Variants in SVEP1 observed in about 807,000 individuals in gnomAD.
The protein encoded by SVEP1 is sushi, von Willebrand factor type A, EGF and pentraxin domain-containing protein 1.
In SVEP1, 164 loss-of-function variants were observed where a neutral mutation model predicts 367.3. The observed-to-expected ratio is 0.45, with a 90% CI of 0.39 to 0.51. The LOEUF (loss-of-function observed/expected upper bound fraction) is 0.51, where lower values mean the gene tolerates loss of function less well. Among genes scored for constraint, SVEP1 ranks in the 20% least tolerant of loss-of-function variants. SVEP1 has a pLI of 0.00. For missense variants in SVEP1, 4,117 were observed against 4,425.3 expected (o/e 0.93, Z 1.98); for synonymous variants, 1,666 against 1,611.6 (o/e 1.03, Z -0.81).
chr9:110,382,098 G>A (rs1438184333), intron 43 of SVEP1, among the ~76,000 whole-genome samples: 3 of 151,994 alleles, frequency 2.0e-5, no homozygotes, highest in African/African-American at 7.3e-5. Flanking sequence ...GCATTGTTAT[G>A]TGTGAATTTG....
At chr9:110,496,257 T>C (rs942882035) in intron 8 of SVEP1, among the ~76,000 whole-genome samples, 4 of 152,322 alleles carry the variant, frequency 2.6e-5, no homozygotes, top group South Asian at 2.1e-4. Flanking sequence ...TGTGAGGATG[T>C]TGCCAAAGAT....
intron 1 of SVEP1, among the ~76,000 whole-genome samples, chr9:110,552,337 C>T (rs997144362): frequency 1.3e-5 from 2 of 152,018 alleles, no homozygotes; most frequent in African/African-American, 4.8e-5. Flanking sequence ...GCCACATGAG[C>T]CACCACGTCT....
At chr9:110,378,053 T>G (rs1827378136) in intron 44 of SVEP1, among the ~76,000 whole-genome samples, 1 of 152,240 alleles carries the variant, frequency 6.6e-6, no homozygotes, top group Admixed American at 6.5e-5. Context: ...ATTTTCTTCT[T>G]TTGCAAAGCT....
chr9:110,369,757 C>A, intron 47 of SVEP1, 166 bp downstream of exon 47: 1 of 608,142 alleles, frequency 1.6e-6, no homozygotes, highest in Non-Finnish European at 2.8e-6. Context: ...TATTTCTTAG[C>A]TTTGGCTTTA....
intron 5 of SVEP1, among the ~76,000 whole-genome samples, chr9:110,511,787 A>G (rs1474953996): frequency 6.6e-6 from 1 of 152,090 alleles, no homozygotes; most frequent in East Asian, 1.9e-4. Flanking sequence ...GGGATTCACA[A>G]ATGATCTTGG....
intron 18 of SVEP1, among the ~76,000 whole-genome samples, chr9:110,461,099 T>C (rs897753291): frequency 8.5e-5 from 13 of 152,204 alleles, no homozygotes; most frequent in Non-Finnish European, 1.3e-4. Flanking sequence ...CATTTGAGAA[T>C]TGTCATTTAA....
intron 47 of SVEP1, among the ~76,000 whole-genome samples, chr9:110,367,445 G>T (rs1027523903): frequency 2.0e-5 from 3 of 152,108 alleles, no homozygotes; most frequent in African/African-American, 7.2e-5. Context: ...GGGATTACAG[G>T]TGTGAGCCAT....
chr9:110,505,028 T>G (rs1189724972), intron 5 of SVEP1, among the ~76,000 whole-genome samples: 3 of 152,204 alleles, frequency 2.0e-5, no homozygotes, highest in African/African-American at 7.2e-5. Context: ...TTCACTAAAC[T>G]GCGGATGCTG....
chr9:110,463,427 G>C (rs1039833044), intron 18 of SVEP1, among the ~76,000 whole-genome samples: 1 of 151,882 alleles, frequency 6.6e-6, no homozygotes, highest in African/African-American at 2.4e-5. Flanking sequence ...TTGCTATCTT[G>C]AATAATAATA....
Position 110,408,340 on chromosome 9 carries a change from G to A in SVEP1, c.7260C>T (p.Thr2420=), listed in dbSNP as rs766390763. The change falls in exon 38 of 48, where the codon ACC becomes ACT. Residue 2420 remains threonine, a synonymous_variant. Coordinates refer to ENST00000374469, the MANE Select transcript of SVEP1 (RefSeq NM_153366.4). ...TCCAGGTGCCATCAGGTTGGCAGAG[G>A]GTGGTAGAATTTCCTCTTAGGAAAA... is the stretch of plus-strand genomic sequence containing the variant. The part of the protein sequence containing the change: ...GGFFLRGNST[T]LCQPDGTWSS... The A allele has an allele frequency of 8.1e-6, 13 of 1,613,730 alleles. No individual in the cohort carries two copies. In the African/African-American group the frequency reaches 1.1e-4, roughly 13 times the overall value.
intron 1 of SVEP1, among the ~76,000 whole-genome samples, chr9:110,555,721 A>G (rs1454048144): frequency 6.6e-6 from 1 of 152,208 alleles, no homozygotes; most frequent in Non-Finnish European, 1.5e-5. Context: ...TAGCAGGACT[A>G]GTAGTCCAAG....
Position 110,406,773 on chromosome 9 carries a change from G to C in SVEP1, c.8827C>G (p.Leu2943Val), listed in dbSNP as rs544150978. 5.9e-5 allele frequency: 95 copies of C among 1,614,054 alleles called. No homozygotes were observed. The South Asian group carries it at 8.9e-4, about 15-fold the overall frequency. The change falls in exon 38 of 48, where the codon CTC (leucine) becomes GTC (valine). Residue 2943 changes from leucine to valine, a missense_variant. Transcript: ENST00000374469. Reference protein sequence around the residue: ...SDGNWDAEIPLCKPVNCGPPE... With the variant: ...SDGNWDAEIPVCKPVNCGPPE... ...GGTCCACAGTTGACTGGTTTACAGA[G>C]AGGAATCTCTGCATCCCAGTTGCCA...
intron 1 of SVEP1, among the ~76,000 whole-genome samples, chr9:110,562,549 TACAA>T (rs937524190): frequency 6.6e-6 from 1 of 152,198 alleles, no homozygotes; most frequent in African/African-American, 2.4e-5. Flanking sequence ...TGTATGATTC[TACAA>T]ACAAATTAGG....
chr9:110,368,879 T>G (rs1431864741), intron 47 of SVEP1, among the ~76,000 whole-genome samples: 2 of 146,922 alleles, frequency 1.4e-5, no homozygotes, highest in Admixed American at 6.7e-5. Context: ...ATTAGACAGA[T>G]TTTTTTGTTG....
chr9:110,387,139 C>A, intron 42 of SVEP1, 146 bp downstream of exon 42: 1 of 735,032 alleles, frequency 1.4e-6, no homozygotes. Flanking sequence ...TTTAAAATAT[C>A]CCAGAGAATT....
At chr9:110,495,130 C>T (rs1829426555) in intron 8 of SVEP1, among the ~76,000 whole-genome samples, 1 of 152,178 alleles carries the variant, frequency 6.6e-6, no homozygotes, top group South Asian at 2.1e-4. Context: ...ATTGCCCCCT[C>T]TTTTCCTTGT....
chr9:110,459,893 A>G (rs1020286424), intron 18 of SVEP1, among the ~76,000 whole-genome samples: 14 of 151,876 alleles, frequency 9.2e-5, no homozygotes, highest in Admixed American at 3.9e-4. Flanking sequence ...TTTCTCCTGA[A>G]TAGTCTTTTA....
intron 29 of SVEP1, 120 bp from the exon 30 acceptor site, chr9:110,434,626 C>T (rs1564141833): frequency 6.8e-6 from 2 of 293,360 alleles, no homozygotes; most frequent in African/African-American, 3.6e-5. Context: ...GATGTGAAAA[C>T]AAGTTAACAT....
intron 40 of SVEP1, among the ~76,000 whole-genome samples, chr9:110,395,375 C>T (rs1827741309): frequency 6.6e-6 from 1 of 152,144 alleles, no homozygotes; most frequent in South Asian, 2.1e-4. Context: ...AAAGGAACAA[C>T]CAGTACCACC....
Sources: gnomAD v4.1 joint callset for allele counts (sites outside exome capture counted in the v4.1 genomes callset) on GRCh38, gnomAD v4.1.1 for gene constraint, MANE v1.5 for transcripts, NCBI Gene and HGNC (gene_info 2026-07-23, HGNC 2026-07-21) for gene names.